The following ARID1B variants were observed in gnomAD, a reference collection of about 807,000 sequenced individuals.
ARID1B encodes the protein AT-rich interactive domain-containing protein 1B.
Under a neutral mutation model 212.3 loss-of-function variants are expected in ARID1B, and 30 were observed. The observed-to-expected ratio is 0.14, with a 90% CI of 0.11 to 0.19. The LOEUF (loss-of-function observed/expected upper bound fraction) is 0.19. ARID1B is among the 10% of genes least tolerant of loss of function. ARID1B has a pLI of 1.00. For synonymous variants in ARID1B, 1,402 were observed against 1,301.7 expected (o/e 1.08, Z -1.66); for missense variants, 2,891 against 3,204.0 (o/e 0.90, Z 2.36).
chr6:157,022,160 A>C (rs905245231), intron 4 of ARID1B: 1 of 140,050 alleles, frequency 7.1e-6, no homozygotes, highest in Non-Finnish European at 1.6e-5. Context: ...GGGGCCGCGG[A>C]AGGGGGCGAG....
intron 4 of ARID1B, chr6:156,985,268 C>G (rs568188031): frequency 6.6e-6 from 1 of 152,264 alleles, no homozygotes; most frequent in East Asian, 1.9e-4. Flanking sequence ...TACTTTTTGG[C>G]ATGTTTCTTT....
chr6:156,810,375 T>C (rs1485477112), intron 1 of ARID1B, among the ~76,000 whole-genome samples: 1 of 152,162 alleles, frequency 6.6e-6, no homozygotes, highest in East Asian at 1.9e-4. Flanking sequence ...GCCTGCCTGC[T>C]TTATAGATGA....
Position 156,795,072 on chromosome 6 carries a change from A to C in ARID1B, c.1791+15601A>C, listed in dbSNP as rs1780266747. ...ACCATTATCTGGGTCGTTGCTCCCT[A>C]CCACCGTCTGGGTCATTGCATAGTT... On this transcript the variant is annotated intron_variant, in intron 1 of 19. Coordinates refer to ENST00000636930, the MANE Select transcript of ARID1B (RefSeq NM_001374828.1). Among the ~76,000 whole-genome samples, 4 of 151,926 alleles carry C rather than the reference A, an allele frequency of 2.6e-5. No homozygotes were observed. The South Asian group carries it at 6.2e-4, about 24-fold the overall frequency.
At chr6:157,183,223 A>T (rs2128322173) in intron 12 of ARID1B, among the ~76,000 whole-genome samples, 1 of 152,228 alleles carries the variant, frequency 6.6e-6, no homozygotes, top group South Asian at 2.1e-4. Flanking sequence ...GCCATTTCTG[A>T]AGTAACCTGA....
intron 2 of ARID1B, among the ~76,000 whole-genome samples, chr6:156,856,170 T>A (rs117110979): frequency 0.015 from 2,341 of 152,240 alleles, 29 homozygotes; most frequent in South Asian, 0.021. Context: ...CTGATGTAGG[T>A]TGCCTAACGT....
At chr6:157,065,013 AC>A (rs1783579253) in intron 4 of ARID1B, among the ~76,000 whole-genome samples, 1 of 152,250 alleles carries the variant, frequency 6.6e-6, no homozygotes, top group Non-Finnish European at 1.5e-5. Context: ...AGTTTGTTTA[AC>A]AAAAATTATT....
At chr6:156,985,843 T>C (rs1282325428) in intron 4 of ARID1B, among the ~76,000 whole-genome samples, 1 of 152,196 alleles carries the variant, frequency 6.6e-6, no homozygotes, top group African/African-American at 2.4e-5. Context: ...CTCAGAGATG[T>C]GACTGTGCCC....
At chr6:156,829,571 A>T in intron 2 of ARID1B, 150 bp downstream of exon 2, 8 of 905,800 alleles carry the variant, frequency 8.8e-6, no homozygotes, top group Non-Finnish European at 1.3e-5. Flanking sequence ...CACAGGTATA[A>T]TTTTTTTTTT....
Position 157,207,553 on chromosome 6 carries a change from C to G in ARID1B, c.6781C>G (p.Leu2261Val). The change falls in exon 20 of 20, where the codon CTT becomes GTT. Residue 2261 changes from leucine to valine, a missense_variant. Leu to Val is a conservative substitution (Grantham distance 32). This residue lies in a region of ARID1B where 187 missense variants were observed against 306.5 expected (regional missense o/e 0.61). Transcript: ENST00000636930. This position sits in a 1 kb window ranked among gnomAD's most constrained non-coding sequence, Gnocchi z 8.5. The stretch of plus-strand genomic sequence containing the variant: ...AATGTCCATGGCGCTTTTATCGAAC[C>G]TTGCCCAAGGGGACGCACTAGCAGC... ...REMSMALLSN[L>V]AQGDALAARA... 6.2e-7 allele frequency: 1 copy of G among 1,614,152 alleles called. No homozygotes were observed. The highest frequency in any genetic ancestry group is 8.5e-7 in the Non-Finnish European group (1 of 1,180,040).
At chr6:156,841,581 G>A (rs1376893159) in intron 2 of ARID1B, among the ~76,000 whole-genome samples, 3 of 152,092 alleles carry the variant, frequency 2.0e-5, no homozygotes, top group African/African-American at 7.2e-5. Context: ...TCTGTGCCAG[G>A]TCTTATGCTA....
chr6:157,170,158 T>C (rs1326915308), intron 9 of ARID1B: 1 of 152,244 alleles, frequency 6.6e-6, no homozygotes, highest in African/African-American at 2.4e-5. Flanking sequence ...GTAGTTTTCA[T>C]GCATGCAAGC....
intron 3 of ARID1B, among the ~76,000 whole-genome samples, chr6:156,925,499 C>A (rs149421157): frequency 6.6e-5 from 10 of 151,912 alleles, no homozygotes; most frequent in Admixed American, 2.0e-4. Flanking sequence ...CACAGTGAGA[C>A]CCTTTCTCTA....
chr6:157,083,502 C>T (rs980383847), intron 4 of ARID1B, among the ~76,000 whole-genome samples: 2 of 152,190 alleles, frequency 1.3e-5, no homozygotes, highest in African/African-American at 4.8e-5. Context: ...GCGTCCTCTT[C>T]TGCTGAGGGA....
intron 4 of ARID1B, among the ~76,000 whole-genome samples, chr6:157,015,793 G>C (rs1779888165): frequency 6.6e-6 from 1 of 152,148 alleles, no homozygotes; most frequent in South Asian, 2.1e-4. Flanking sequence ...TAGTAAAATT[G>C]TAGATGTTCT....
rs139700728 is a variant in ARID1B at position 156,793,781 on chromosome 6, G to T, written c.1791+14310G>T. Among the ~76,000 whole-genome samples the T allele has an allele frequency of 3.7e-3, 559 of 152,236 alleles. 2 individuals carry two copies. The highest frequency in any genetic ancestry group is 6.1e-3 in the Admixed American group (94 of 15,302). On this transcript the variant is annotated intron_variant, in intron 1 of 19. Coordinates refer to ENST00000636930, the MANE Select transcript of ARID1B (RefSeq NM_001374828.1). ...TTCTTGCCTCTCAAATAAAGAAATG[G>T]AGGTTTAGAGAAAGACTTAGAAGAG...
chr6:156,963,885 G>T (rs1794567681), intron 4 of ARID1B, among the ~76,000 whole-genome samples: 1 of 152,212 alleles, frequency 6.6e-6, no homozygotes, highest in South Asian at 2.1e-4. Flanking sequence ...CATGAACTAT[G>T]CCCACGTGGC....
At chr6:157,123,266 C>T (rs1330302086) in intron 6 of ARID1B, among the ~76,000 whole-genome samples, 2 of 125,334 alleles carry the variant, frequency 1.6e-5, no homozygotes, top group Non-Finnish European at 3.2e-5. Context: ...CACAAGCAAA[C>T]TCTGGGGAAT....
intron 3 of ARID1B, among the ~76,000 whole-genome samples, chr6:156,928,371 G>A (rs1404341410): frequency 6.6e-6 from 1 of 152,190 alleles, no homozygotes; most frequent in Non-Finnish European, 1.5e-5. Flanking sequence ...TGCACAGATT[G>A]TAGAAGAGAT....
At chr6:157,127,941 G>A (rs140791751) in intron 6 of ARID1B, among the ~76,000 whole-genome samples, 7,377 of 145,884 alleles carry the variant, frequency 0.051, 646 homozygotes, top group African/African-American at 0.18. Flanking sequence ...CAGCCTAGGC[G>A]ACAGAGCAAG....
Sources: gnomAD v4.1 joint callset for allele counts (sites outside exome capture counted in the v4.1 genomes callset) on GRCh38, gnomAD v4.1.1 for gene constraint, gnomAD v4.1.1 regional missense constraint, Gnocchi (gnomAD v3.1) non-coding constraint, MANE v1.5 for transcripts, NCBI Gene and HGNC (gene_info 2026-07-23, HGNC 2026-07-21) for gene names.